Variants in USP4 observed in about 807,000 individuals in gnomAD.
The protein encoded by USP4 is ubiquitin specific peptidase 4.
In USP4, 72 loss-of-function variants were observed where a neutral mutation model predicts 118.2. The ratio of observed to expected loss-of-function variants is 0.61; its 90% CI spans 0.50 to 0.74. USP4 has a LOEUF of 0.74. Among genes scored for constraint, USP4 ranks in the 30% least tolerant of loss-of-function variants. The probability of loss-of-function intolerance (pLI) is 0.00; values close to 1 mark genes in which losing one functional copy is unlikely to be tolerated. For missense variants in USP4, 1,037 were observed against 1,185.7 expected (o/e 0.87, Z 1.84); for synonymous variants, 415 against 440.4 (o/e 0.94, Z 0.72).
chr3:49,338,090 T>C (rs922922265), intron 1 of USP4, among the ~76,000 whole-genome samples: 1 of 148,608 alleles, frequency 6.7e-6, no homozygotes, highest in Non-Finnish European at 1.5e-5. Context: ...CTATGCTGTT[T>C]TACAATTAAA....
rs979890569 is a variant in USP4 at position 49,323,284 on chromosome 3, A to T, written c.695+1418T>A. ...TCCTGGCCTTTTTAAAAAAAAAAAAAAAAAAAAAAAAAAAGAGATGGGGTC... is the reference window on the plus strand; with the variant it reads ...TCCTGGCCTTTTTAAAAAAAAAAAATAAAAAAAAAAAAAAGAGATGGGGTC... On this transcript the variant is annotated intron_variant, in intron 6 of 21. Coordinates refer to ENST00000265560, the MANE Select transcript of USP4 (RefSeq NM_003363.4). Among the ~76,000 whole-genome samples the T allele has an allele frequency of 6.7e-5, 10 of 148,876 alleles. 1 individual carries two copies. The highest frequency in any genetic ancestry group is 2.5e-4 in the African/African-American group (10 of 39,812).
chr3:49,320,299 G>A (rs931561967), intron 6 of USP4, among the ~76,000 whole-genome samples: 8 of 152,062 alleles, frequency 5.3e-5, no homozygotes, highest in Admixed American at 1.3e-4. Flanking sequence ...AAAATTAGCC[G>A]GGCGTGGTGG....
Position 49,300,655 on chromosome 3 carries a change from T to C in USP4, c.1324A>G (p.Arg442Gly), listed in dbSNP as rs753466684. The change falls in exon 11 of 22, where the codon AGG (arginine) becomes GGG (glycine). Residue 442 changes from arginine (R) to glycine (G), a missense_variant. Around this residue, in one of 3 missense-constraint regions of USP4, gnomAD observed 28 missense variants for 59.0 expected, o/e 0.47. Coordinates refer to ENST00000265560, the MANE Select transcript of USP4 (RefSeq NM_003363.4). ...GTATCCACAATCACAGAATCATTCC[T>C]CAACCTGTGATTCTCCCAGGCTTCC... is the stretch of plus-strand genomic sequence containing the variant. Reference protein sequence around the residue: ...AKEAWENHRLRNDSVIVDTFH... With the variant: ...AKEAWENHRLGNDSVIVDTFH... 7 of 1,614,168 alleles carry C rather than the reference T, an allele frequency of 4.3e-6. No individual in the cohort carries two copies. In the Admixed American group the frequency reaches 1.0e-4, roughly 23 times the overall value.
At chr3:49,329,985 CA>C (rs2047596471) in intron 2 of USP4, among the ~76,000 whole-genome samples, 1 of 151,826 alleles carries the variant, frequency 6.6e-6, no homozygotes, top group Non-Finnish European at 1.5e-5. Flanking sequence ...ACTAAAAATA[CA>C]AAAATTAGCC....
At chr3:49,329,510 C>T (rs1230220858) in intron 2 of USP4, among the ~76,000 whole-genome samples, 2 of 152,162 alleles carry the variant, frequency 1.3e-5, no homozygotes, top group African/African-American at 4.8e-5. Context: ...AAGCAATCCT[C>T]CTGCCTTAGT....
At chr3:49,326,893 G>A (rs1219029885) in intron 3 of USP4, among the ~76,000 whole-genome samples, 1 of 151,122 alleles carries the variant, frequency 6.6e-6, no homozygotes, top group East Asian at 2.0e-4. Context: ...GCAGAGACGA[G>A]GTTTCACCAT....
chr3:49,292,655 T>C (rs1220862460), intron 14 of USP4, 57 bp from the exon 15 acceptor site: 1 of 1,255,526 alleles, frequency 8.0e-7, no homozygotes, highest in East Asian at 2.6e-5. Flanking sequence ...CATTTATCTA[T>C]TTTTTCCACC....
chr3:49,295,288 C>CAA lies in USP4; in HGVS notation c.1692-692_1692-691dup, dbSNP rs34296887. 5.9e-3 allele frequency among the ~76,000 whole-genome samples: 70 copies of CAA among 11,944 alleles called. 16 individuals are homozygous for CAA. The highest frequency in any genetic ancestry group is 0.015 in the African/African-American group (57 of 3,726). The allele number at this position is 11,944 out of a possible 152,430, so 7.8% of individuals were successfully genotyped here. A position where few individuals can be genotyped will look rare whatever the true frequency, so the allele number is the denominator to read the frequency against. On this transcript the variant is annotated intron_variant, in intron 13 of 21. Coordinates refer to ENST00000265560, the MANE Select transcript of USP4 (RefSeq NM_003363.4). ...TGGGCAACAGAGCGAGACTCCATCTCAAAAAAAAAAAAAAAAAAAAAAAAA... is the reference window on the plus strand; with the variant it reads ...TGGGCAACAGAGCGAGACTCCATCTCAAAAAAAAAAAAAAAAAAAAAAAAAAA...
At chr3:49,329,119 G>A (rs1426033253) in intron 2 of USP4, among the ~76,000 whole-genome samples, 3 of 151,284 alleles carry the variant, frequency 2.0e-5, no homozygotes, top group East Asian at 2.0e-4. Context: ...GGAGGTTGCA[G>A]TGAGCCAAGA....
At position 49,277,268 on chromosome 3, in the gene USP4, T is replaced by G; in HGVS notation, c.*1025A>C. On this transcript the variant is annotated 3_prime_UTR_variant, in exon 22 of 22. Transcript: ENST00000265560. ...GGCCCCAAACCCCCACGGATTAGGT[T>G]GAAGGTCAGACAAAAAATCCCGGAC... 7.8e-7 allele frequency: 1 copy of G among 1,283,468 alleles called. No individual in the cohort carries two copies. Among genetic ancestry groups the G allele is most frequent in the Non-Finnish European group, 1.0e-6 (1 of 983,258 alleles). 79.5% of individuals were successfully genotyped at this position (1,283,468 alleles called of 1,614,324 possible).
At position 49,324,708 on chromosome 3, in the gene USP4, T is replaced by A. The variant is rs755911977; in HGVS notation, c.689A>T (p.Gln230Leu). 9 of 1,614,198 alleles carry A rather than the reference T, an allele frequency of 5.6e-6. No homozygotes were observed. Among genetic ancestry groups the A allele is most frequent in the Admixed American group, 3.3e-5 (2 of 60,016 alleles). The stretch of plus-strand genomic sequence containing the variant: ...GGAGAAAAAATTCACTTACTTTGAC[T>A]GCAAGGTCTGCCTGGGCCATGTGCC... ...EDGTWPRQTL[Q>L]SKSSTAPSRN... is the part of the protein sequence containing the mutation. The change falls in exon 6 of 22, where the codon CAG (glutamine) becomes CTG (leucine). Residue 230 changes from glutamine to leucine, a missense_variant. By Grantham distance (113) the Gln-to-Leu change is moderately radical. This residue lies in a region of USP4 where 487 missense variants were observed against 534.1 expected (regional missense o/e 0.91). Coordinates refer to ENST00000265560, the MANE Select transcript of USP4 (RefSeq NM_003363.4).
rs543811758 is a variant in USP4 at position 49,278,152 on chromosome 3, T to G, written c.*141A>C. On this transcript the variant is annotated 3_prime_UTR_variant, in exon 22 of 22. Coordinates refer to ENST00000265560, the MANE Select transcript of USP4 (RefSeq NM_003363.4). ...TAGGTAAACGGTCTTCTTTTTTTTTTTTTGTTTCCTTCTGCTCATAAAAGA... is the reference window on the plus strand; with the variant it reads ...TAGGTAAACGGTCTTCTTTTTTTTTGTTTGTTTCCTTCTGCTCATAAAAGA... The G allele has an allele frequency of 3.4e-4, 317 of 939,268 alleles. 1 individual carries two copies. The highest frequency in any genetic ancestry group is 1.7e-3 in the Admixed American group (57 of 33,598). 58.2% of individuals were successfully genotyped at this position (939,268 alleles called of 1,614,324 possible). A position where few individuals can be genotyped will look rare whatever the true frequency, so the allele number is the denominator to read the frequency against.
chr3:49,318,682 G>A (rs916421023), intron 6 of USP4: 1 of 933,796 alleles, frequency 1.1e-6, no homozygotes, highest in Non-Finnish European at 1.3e-6. Context: ...GCCAAGGCGG[G>A]TGGATCACCT....
intron 8 of USP4, among the ~76,000 whole-genome samples, chr3:49,309,606 T>C (rs554442469): frequency 1.5e-5 from 2 of 134,366 alleles, no homozygotes; most frequent in South Asian, 5.2e-4. Flanking sequence ...GTAAGGAGCA[T>C]GGGGCGGGAC....
chr3:49,303,482 C>A (rs918741796), intron 9 of USP4, among the ~76,000 whole-genome samples: 12 of 144,946 alleles, frequency 8.3e-5, no homozygotes, highest in African/African-American at 2.8e-4. Context: ...CACTGTTCTA[C>A]ACCTGTTCTC....
intron 10 of USP4, among the ~76,000 whole-genome samples, chr3:49,301,237 G>A (rs1006079244): frequency 2.0e-5 from 3 of 151,986 alleles, no homozygotes; most frequent in Admixed American, 1.3e-4. Flanking sequence ...ACTGCGCCTC[G>A]CCCTAATCCT....
chr3:49,319,373 C>T (rs1244982005), intron 6 of USP4, among the ~76,000 whole-genome samples: 7 of 151,730 alleles, frequency 4.6e-5, no homozygotes, highest in Non-Finnish European at 7.4e-5. Context: ...CTCAGCCTCC[C>T]GAGTAGCTGG....
At chr3:49,286,601 A>G (rs1228734150) in intron 15 of USP4, among the ~76,000 whole-genome samples, 3 of 152,158 alleles carry the variant, frequency 2.0e-5, no homozygotes, top group Non-Finnish European at 2.9e-5. Flanking sequence ...AAGCCCTGCC[A>G]TCCTGTCTAC....
chr3:49,306,037 A>T (rs982681514), intron 8 of USP4, 149 bp from the exon 9 acceptor site: 1 of 751,672 alleles, frequency 1.3e-6, no homozygotes, highest in Admixed American at 3.8e-5. Flanking sequence ...AGTAAAGCAC[A>T]GCCTCAAGGA....
Sources: allele counts gnomAD v4.1 joint callset (sites outside exome capture counted in the v4.1 genomes callset), GRCh38; gene constraint gnomAD v4.1.1; regional missense constraint gnomAD v4.1.1; transcripts MANE v1.5; gene names NCBI Gene and HGNC (gene_info 2026-07-23, HGNC 2026-07-21).